SEC16A: variants seen among roughly 807,000 people sequenced by gnomAD.
SEC16A encodes SEC16 homolog A, endoplasmic reticulum export factor, also known as protein transport protein Sec16A.
A neutral mutation model predicts 221.9 loss-of-function variants in SEC16A; 110 were observed. The ratio of observed to expected loss-of-function variants is 0.50; its 90% CI spans 0.42 to 0.58. The LOEUF is 0.58. Among genes scored for constraint, SEC16A ranks in the 20% least tolerant of loss-of-function variants. SEC16A has a pLI of 0.00. For missense variants in SEC16A, 3,165 were observed against 3,097.8 expected, an observed-to-expected ratio of 1.02 and a Z score of -0.52; for synonymous variants, 1,393 against 1,257.7, an observed-to-expected ratio of 1.11 and a Z score of -2.28.
intron 5 of SEC16A, among the ~76,000 whole-genome samples, chr9:136,467,519 C>T (rs146176028): frequency 4.5e-4 from 68 of 152,214 alleles, no homozygotes; most frequent in Non-Finnish European, 9.1e-4. Context: ...TTCTCTTTCA[C>T]GGTTGCTGCT....
At chr9:136,457,122 G>A (rs377024841) in intron 18 of SEC16A, among the ~76,000 whole-genome samples, 3 of 152,192 alleles carry the variant, frequency 2.0e-5, no homozygotes, top group African/African-American at 7.2e-5. Context: ...GCATTGAGCC[G>A]AGATTGCACC....
In SEC16A at chr9:136,478,402, CA is replaced by C. The variant is rs34093106; in HGVS notation, c.-70+306del. ...TGGGTGACACAGTGAGTCCCTAGCT[CA>C]AAAAAAAAAAAAAAAAAGGAAAACT... On this transcript the variant is annotated intron_variant, in intron 2 of 31. Transcript: ENST00000684901. Among the ~76,000 whole-genome samples, 304 of 95,208 alleles carry C rather than the reference CA, an allele frequency of 3.2e-3. 1 individual carries two copies. The highest frequency in any genetic ancestry group is 6.1e-3 in the Middle Eastern group (1 of 164). The allele number at this position is 95,208 out of a possible 152,430, so 62.5% of individuals were successfully genotyped here.
chr9:136,459,740 C>T lies in SEC16A; in HGVS notation c.5191+17G>A. The T allele has an allele frequency of 6.3e-7, 1 of 1,586,936 alleles. No homozygotes were observed. Among genetic ancestry groups the T allele is most frequent in the Non-Finnish European group, 8.6e-7 (1 of 1,163,840 alleles). On this transcript the variant is annotated intron_variant, in intron 15 of 31. Transcript: ENST00000684901. This position sits in a 1 kb window ranked among gnomAD's most constrained non-coding sequence, Gnocchi z 6.1. ...TCCATCCGCGACACCCAATGCCCAT[C>T]TCCACCCCTGACCTACCCAGAGTGT... is the stretch of plus-strand genomic sequence containing the variant.
At position 136,447,381 on chromosome 9, in the gene SEC16A, A is replaced by G; in HGVS notation, c.6560-17T>C. The G allele has an allele frequency of 1.3e-6, 2 of 1,596,240 alleles. No individual in the cohort carries two copies. Among genetic ancestry groups the G allele is most frequent in the Non-Finnish European group, 1.7e-6 (2 of 1,171,770 alleles). ...TGGTTCCTGCTGCAAAGGGGAGGGA[A>G]GCAAATTGAGGTGAACGCGCCAGGT... On this transcript the variant is annotated splice_polypyrimidine_tract_variant and intron_variant, in intron 26 of 31. Transcript: ENST00000684901. The surrounding 1 kb of genome is among the most constrained non-coding windows in gnomAD (Gnocchi z 5.5).
At position 136,440,349 on chromosome 9, in the gene SEC16A, G is replaced by A. The variant is rs532265538; in HGVS notation, c.*1406C>T. 1.3e-5 allele frequency: 2 copies of A among 152,538 alleles called. No homozygotes were observed. Among genetic ancestry groups the A allele is most frequent in the African/African-American group, 4.8e-5 (2 of 41,562 alleles). The allele number at this position is 152,538 out of a possible 1,614,324, so 9.4% of individuals were successfully genotyped here. Reference sequence around the variant, plus strand: ...AGTGACAAGGACAAATGGATCCAGCGGGACACGCCTGTGGAACATTTTGGA... The same window carrying A: ...AGTGACAAGGACAAATGGATCCAGCAGGACACGCCTGTGGAACATTTTGGA... On this transcript the variant is annotated 3_prime_UTR_variant, in exon 32 of 32. Coordinates refer to ENST00000684901, the MANE Select transcript of SEC16A (RefSeq NM_014866.2).
rs776167285 is a variant in SEC16A, at chr9:136,459,738, A to T, written c.5191+19T>A. On this transcript the variant is annotated intron_variant, in intron 15 of 31. Coordinates refer to ENST00000684901, the MANE Select transcript of SEC16A (RefSeq NM_014866.2). The surrounding 1 kb of genome is among the most constrained non-coding windows in gnomAD (Gnocchi z 6.1). The stretch of plus-strand genomic sequence containing the variant: ...GCTCCATCCGCGACACCCAATGCCC[A>T]TCTCCACCCCTGACCTACCCAGAGT... The T allele has an allele frequency of 2.2e-5, 35 of 1,581,884 alleles. No homozygotes were observed. In the Admixed American group the frequency reaches 3.7e-4, roughly 17 times the overall value.
chr9:136,484,551 C>T, upstream of SEC16A: 1 of 1,306,672 alleles, frequency 7.7e-7, no homozygotes, highest in East Asian at 4.8e-5. Flanking sequence ...GGTGGGGGTG[C>T]CCGCCCGATG....
At position 136,466,873 on chromosome 9, in the gene SEC16A, T is replaced by A; in HGVS notation, c.3929+84A>T. 1 of 1,481,978 alleles carries A rather than the reference T, an allele frequency of 6.7e-7. No homozygotes were observed. Among genetic ancestry groups the A allele is most frequent in the South Asian group, 1.3e-5 (1 of 78,944 alleles). The allele number at this position is 1,481,978 out of a possible 1,614,324, so 91.8% of individuals were successfully genotyped here. Reference sequence around the variant, plus strand: ...TCACCCAAACTACCACAGCTCTTTGTTAAAACCCAGACATGAGGGCAGAGA... The same window carrying A: ...TCACCCAAACTACCACAGCTCTTTGATAAAACCCAGACATGAGGGCAGAGA... On this transcript the variant is annotated intron_variant, in intron 6 of 31. Coordinates refer to ENST00000684901, the MANE Select transcript of SEC16A (RefSeq NM_014866.2). The surrounding 1 kb of genome is among the most constrained non-coding windows in gnomAD (Gnocchi z 5.5).
In SEC16A at chr9:136,474,529, T is replaced by C. The variant is rs1841361164; in HGVS notation, c.3087A>G (p.Gln1029=). The change falls in exon 3 of 32, where the codon CAA becomes CAG. Residue 1029 remains glutamine (Q), a synonymous_variant. Coordinates refer to ENST00000684901, the MANE Select transcript of SEC16A (RefSeq NM_014866.2). ...SQQSVASHPR[Q]SGPGAPNLDR... ...CAAGGTTAGGCGCCCCAGGCCCAGA[T>C]TGTCTGGGATGACTGGCAACACTTT... 8 of 1,612,834 alleles carry C rather than the reference T, an allele frequency of 5.0e-6. No homozygotes were observed. Among genetic ancestry groups the C allele is most frequent in the Non-Finnish European group, 6.8e-6 (8 of 1,179,816 alleles).
At chr9:136,465,121 A>G (rs1213984057) in intron 8 of SEC16A, among the ~76,000 whole-genome samples, 1 of 151,976 alleles carries the variant, frequency 6.6e-6, no homozygotes, top group African/African-American at 2.4e-5. Context: ...GTCTCTTAAA[A>G]AAAAAGAAAT....
chr9:136,474,022 G>A (rs1193883681), intron 3 of SEC16A, 27 bp downstream of exon 3: 1 of 1,568,554 alleles, frequency 6.4e-7, no homozygotes. Flanking sequence ...ACAGAAAAGT[G>A]GGTTACACAT....
At chr9:136,471,453 A>G (rs918349050) in intron 4 of SEC16A, among the ~76,000 whole-genome samples, 1 of 152,166 alleles carries the variant, frequency 6.6e-6, no homozygotes, top group African/African-American at 2.4e-5. Flanking sequence ...CAGCTTGGAC[A>G]ACAGAGTGAG....
Position 136,441,783 on chromosome 9 carries a change from C to T in SEC16A, c.7046G>A (p.Gly2349Asp), listed in dbSNP as rs1172140684. ...GTTCAGCACCAGGTGCTTCCTCTGG[C>T]CAATCCTCCCTAGCCTTGAGCTCCC... ...TSGSSRLGRI[G>D]QRKHLVLN The change falls in exon 32 of 32, where the codon GGC becomes GAC. Residue 2349 changes from glycine to aspartate, a missense_variant. Physicochemically the swap from Gly to Asp is moderately conservative, Grantham distance 94. This residue lies in a region of SEC16A where 1,088 missense variants were observed against 1,089.6 expected (regional missense o/e 1.00). Coordinates refer to ENST00000684901, the MANE Select transcript of SEC16A (RefSeq NM_014866.2). 1 of 1,613,430 alleles carries T rather than the reference C, an allele frequency of 6.2e-7. No homozygotes were observed. Among genetic ancestry groups the T allele is most frequent in the East Asian group, 2.2e-5 (1 of 44,874 alleles).
In SEC16A at chr9:136,444,983, C is replaced by A; in HGVS notation, c.6927+69G>T. On this transcript the variant is annotated intron_variant, in intron 30 of 31. Coordinates refer to ENST00000684901, the MANE Select transcript of SEC16A (RefSeq NM_014866.2). ...GCAAAGCGCACGTGGCGAACCGGCA[C>A]CGCGTGCTCAGGAACACAGGCGGCA... 6 of 1,427,596 alleles carry A rather than the reference C, an allele frequency of 4.2e-6. No individual in the cohort carries two copies. In the South Asian group the frequency reaches 7.3e-5, roughly 17 times the overall value. The allele number at this position is 1,427,596 out of a possible 1,614,324, so 88.4% of individuals were successfully genotyped here. A position where few individuals can be genotyped will look rare whatever the true frequency, so the allele number is the denominator to read the frequency against.
chr9:136,484,703 G>A (rs767588491), upstream of SEC16A: 2 of 1,366,622 alleles, frequency 1.5e-6, no homozygotes, highest in Non-Finnish European at 2.0e-6. Context: ...GGTGCAGGGA[G>A]AGCTTCAGTC....
At position 136,455,629 on chromosome 9, in the gene SEC16A, C is replaced by A; in HGVS notation, c.5829G>T (p.Ser1943=). ...LAVPAPSPEH[S]SPSVRLLPSA... Reference sequence around the variant, plus strand: ...AGGGCAGCAGCCGCACGCTCGGGCTCGAGTGCTCAGGGCTCGGTGCAGGCA... The same window carrying A: ...AGGGCAGCAGCCGCACGCTCGGGCTAGAGTGCTCAGGGCTCGGTGCAGGCA... Residue 1943 remains serine, a synonymous_variant, in exon 20 of 32, where the codon TCG becomes TCT. Coordinates refer to ENST00000684901, the MANE Select transcript of SEC16A (RefSeq NM_014866.2). The A allele has an allele frequency of 1.3e-6, 2 of 1,582,840 alleles. No individual in the cohort carries two copies. Among genetic ancestry groups the A allele is most frequent in the East Asian group, 2.3e-5 (1 of 43,144 alleles).
intron 4 of SEC16A, among the ~76,000 whole-genome samples, chr9:136,470,406 T>C (rs549503359): frequency 2.4e-4 from 36 of 152,346 alleles, no homozygotes; most frequent in African/African-American, 7.7e-4. Flanking sequence ...ACAGTGAGAA[T>C]GCTCCCTGGC....
chr9:136,479,303 AG>A (rs1308605365), intron 1 of SEC16A, among the ~76,000 whole-genome samples: 1 of 152,252 alleles, frequency 6.6e-6, no homozygotes, highest in African/African-American at 2.4e-5. Flanking sequence ...AGATAAGTTT[AG>A]CCAATCAAAG....
In SEC16A at chr9:136,447,489, C is replaced by T. The variant is rs932144982; in HGVS notation, c.6559+80G>A. 9.1e-6 allele frequency: 14 copies of T among 1,536,382 alleles called. No homozygotes were observed. Among genetic ancestry groups the T allele is most frequent in the East Asian group, 2.3e-5 (1 of 43,604 alleles). On this transcript the variant is annotated intron_variant, in intron 26 of 31. Transcript: ENST00000684901. The surrounding 1 kb of genome is among the most constrained non-coding windows in gnomAD (Gnocchi z 5.5). Reference sequence around the variant, plus strand: ...CGTGCGGGAAGCCACCTCCTCCCCACGCACAACAGCTACACATTGGCCTCT... The same window carrying T: ...CGTGCGGGAAGCCACCTCCTCCCCATGCACAACAGCTACACATTGGCCTCT...
Sources: allele counts gnomAD v4.1 joint callset (sites outside exome capture counted in the v4.1 genomes callset), GRCh38; gene constraint gnomAD v4.1.1; regional missense constraint gnomAD v4.1.1; non-coding constraint Gnocchi (gnomAD v3.1); transcripts MANE v1.5; gene names NCBI Gene and HGNC (gene_info 2026-07-23, HGNC 2026-07-21).